ADARB2: variants seen among roughly 807,000 people sequenced by gnomAD.
The protein encoded by ADARB2 is inactive double-stranded RNA-specific editase B2.
Under a neutral mutation model 62.2 loss-of-function variants are expected in ADARB2, and 25 were observed. The observed-to-expected ratio is 0.40, with a 90% confidence interval of 0.29 to 0.56. ADARB2 has a LOEUF of 0.56. Ranked by LOEUF, ADARB2 falls within the 20% of genes least tolerant of loss-of-function variation. The pLI is 0.43. For synonymous variants in ADARB2, 572 were observed against 500.8 expected (o/e 1.14, Z -1.90); for missense variants, 1,071 against 1,077.4 (o/e 0.99, Z 0.08).
At position 1,595,271 on chromosome 10, in the gene ADARB2, G is replaced by A. The variant is rs147068499; in HGVS notation, c.100+141780C>T. Among the ~76,000 whole-genome samples the A allele has an allele frequency of 6.6e-5, 10 of 152,278 alleles. No individual in the cohort carries two copies. In the East Asian group the frequency reaches 1.2e-3, roughly 18 times the overall value. On this transcript the variant is annotated intron_variant, in intron 1 of 9. Transcript: ENST00000381312. ...GATGATGATTAAATTCAAGAAATGC[G>A]CTGAAGAACAGCTTGCCTGCATGGA...
At chr10:1,277,205 A>G (rs139670853) in intron 3 of ADARB2, among the ~76,000 whole-genome samples, 43,316 of 152,092 alleles carry the variant, frequency 0.28, 7,129 homozygotes, top group South Asian at 0.53. Flanking sequence ...AACTAGAGAC[A>G]CAAGAGCAAA....
chr10:1,469,755 A>T (rs1414952319), intron 1 of ADARB2, among the ~76,000 whole-genome samples: 2 of 152,222 alleles, frequency 1.3e-5, no homozygotes, highest in Non-Finnish European at 2.9e-5. Flanking sequence ...CATGAGAGGA[A>T]TCTGTAAAGT....
chr10:1,435,635 G>A (rs1374667318), intron 1 of ADARB2, among the ~76,000 whole-genome samples: 1 of 149,960 alleles, frequency 6.7e-6, no homozygotes, highest in Non-Finnish European at 1.5e-5. Context: ...TCCACTTCCT[G>A]GGCGAGACTT....
At chr10:1,500,449 G>T (rs11593845) in intron 1 of ADARB2, among the ~76,000 whole-genome samples, 1 of 152,074 alleles carries the variant, frequency 6.6e-6, no homozygotes, top group Non-Finnish European at 1.5e-5. Context: ...CAAAAAGGCC[G>T]CATGACAAAA....
At chr10:1,696,110 C>T (rs1834740280) in intron 1 of ADARB2, among the ~76,000 whole-genome samples, 1 of 152,130 alleles carries the variant, frequency 6.6e-6, no homozygotes, top group Admixed American at 6.5e-5. Flanking sequence ...TATGCACACA[C>T]ATGTCCATGT....
rs970023654 is a variant in ADARB2, at chr10:1,591,653, G to A, written c.100+145398C>T. Among the ~76,000 whole-genome samples the A allele has an allele frequency of 8.2e-3, 283 of 34,508 alleles. 5 individuals are homozygous for A. In the East Asian group the frequency reaches 0.19, roughly 23 times the overall value. The allele number at this position is 34,508 out of a possible 152,430, so 22.6% of individuals were successfully genotyped here. A position where few individuals can be genotyped will look rare whatever the true frequency, so the allele number is the denominator to read the frequency against. On this transcript the variant is annotated intron_variant, in intron 1 of 9. Coordinates refer to ENST00000381312, the MANE Select transcript of ADARB2 (RefSeq NM_018702.4). ...CTGAATCTCTCTTACACACAGAGGC[G>A]TGCACGCACACACACACACACACAC...
intron 1 of ADARB2, chr10:1,675,043 G>GGGTTCGGGGATGCATGGATGTTCTGGA (rs1834446705): frequency 1.0e-6 from 1 of 984,908 alleles, no homozygotes; most frequent in Non-Finnish European, 1.2e-6. Flanking sequence ...CTGGAGGTTT[G>GGGTTCGGGGATGCATGGATGTTCTGGA]GGTTTGGGGG....
intron 1 of ADARB2, among the ~76,000 whole-genome samples, chr10:1,395,270 G>A (rs1302639915): frequency 3.9e-5 from 6 of 152,098 alleles, no homozygotes; most frequent in East Asian, 1.9e-4. Flanking sequence ...GTCTTGAATC[G>A]AAGCCTAATG....
chr10:1,523,182 A>G (rs895905091), intron 1 of ADARB2, among the ~76,000 whole-genome samples: 8 of 152,238 alleles, frequency 5.3e-5, no homozygotes, highest in Non-Finnish European at 1.2e-4. Context: ...AGAAACAAGT[A>G]TGGCAAATAT....
At chr10:1,264,328 C>G (rs1359550714) in intron 4 of ADARB2, among the ~76,000 whole-genome samples, 1 of 152,268 alleles carries the variant, frequency 6.6e-6, no homozygotes, top group East Asian at 1.9e-4. Context: ...GCCAGTCATT[C>G]AGGGGAGACA....
rs572942068 is a variant in ADARB2 at position 1,406,364 on chromosome 10, T to A, written c.101-27204A>T. On this transcript the variant is annotated intron_variant, in intron 1 of 9. Transcript: ENST00000381312. ...ACCTTGCCAAGGTACCTGCTTTCCA[T>A]CCAGCTCTAAAGCCGTGTGGGCTCG... 2.6e-5 allele frequency among the ~76,000 whole-genome samples: 4 copies of A among 152,292 alleles called. No homozygotes were observed. The South Asian group carries it at 6.2e-4, about 24-fold the overall frequency.
chr10:1,673,282 A>G (rs1455427470), intron 1 of ADARB2, among the ~76,000 whole-genome samples: 1 of 151,618 alleles, frequency 6.6e-6, no homozygotes, highest in Non-Finnish European at 1.5e-5. Flanking sequence ...TATATTTCAG[A>G]TGCGTAACAA....
At chr10:1,567,329 C>A (rs571367800) in intron 1 of ADARB2, among the ~76,000 whole-genome samples, 21 of 152,338 alleles carry the variant, frequency 1.4e-4, no homozygotes. Context: ...TTTCTCCCAA[C>A]GTGCTTTGAG....
chr10:1,646,366 G>C (rs1453256592), intron 1 of ADARB2, among the ~76,000 whole-genome samples: 4 of 152,292 alleles, frequency 2.6e-5, no homozygotes, highest in East Asian at 1.9e-4. Flanking sequence ...TTCTAGCCTG[G>C]GCTCTCTCTC....
chr10:1,310,476 A>G (rs1478191374), intron 3 of ADARB2, among the ~76,000 whole-genome samples: 1 of 152,250 alleles, frequency 6.6e-6, no homozygotes, highest in African/African-American at 2.4e-5. Context: ...AAGAAGAGAT[A>G]AGAATCCATC....
intron 5 of ADARB2, among the ~76,000 whole-genome samples, chr10:1,235,308 T>C (rs1242569617): frequency 1.6e-5 from 2 of 127,510 alleles, no homozygotes; most frequent in Non-Finnish European, 3.3e-5. Flanking sequence ...CATCCAGCCA[T>C]GACCCAGGTG....
At chr10:1,489,977 G>A (rs559793920) in intron 1 of ADARB2, among the ~76,000 whole-genome samples, 49 of 152,280 alleles carry the variant, frequency 3.2e-4, no homozygotes, top group East Asian at 2.9e-3. Flanking sequence ...TGCTGCTACA[G>A]GTGCACGGAC....
intron 1 of ADARB2, among the ~76,000 whole-genome samples, chr10:1,464,062 G>A (rs1411979257): frequency 3.3e-5 from 5 of 152,358 alleles, no homozygotes; most frequent in Non-Finnish European, 7.3e-5. Flanking sequence ...AGGATGTGGA[G>A]GGGCCAGGAC....
chr10:1,275,011 C>G (rs1239954679), intron 3 of ADARB2, among the ~76,000 whole-genome samples: 1 of 152,226 alleles, frequency 6.6e-6, no homozygotes, highest in Non-Finnish European at 1.5e-5. Flanking sequence ...AGCCTGGCCA[C>G]CCACTCTCCG....
Sources: allele counts gnomAD v4.1 joint callset (sites outside exome capture counted in the v4.1 genomes callset), GRCh38; gene constraint gnomAD v4.1.1; transcripts MANE v1.5; gene names NCBI Gene and HGNC (gene_info 2026-07-23, HGNC 2026-07-21).